Variants in PDZRN3 observed in about 807,000 individuals in gnomAD.
PDZRN3 encodes the protein PDZ domain containing ring finger 3, also known as E3 ubiquitin-protein ligase PDZRN3.
In PDZRN3, 38 loss-of-function variants were observed where a neutral mutation model predicts 85.7. The observed-to-expected ratio is 0.44, with a 90% confidence interval of 0.34 to 0.58. The LOEUF (loss-of-function observed/expected upper bound fraction) is 0.58, where lower values mean the gene tolerates loss of function less well. PDZRN3 is among the 20% of genes least tolerant of loss of function. The pLI, the probability that PDZRN3 is intolerant of heterozygous loss-of-function variation, is 0.01. For missense variants in PDZRN3, 1,629 were observed against 1,506.4 expected (o/e 1.08, Z -1.35); for synonymous variants, 759 against 638.0 (o/e 1.19, Z -2.86).
At chr3:73,479,044 A>C (rs924613570) in intron 3 of PDZRN3, among the ~76,000 whole-genome samples, 1 of 152,238 alleles carries the variant, frequency 6.6e-6, no homozygotes, top group Admixed American at 6.5e-5. Flanking sequence ...TCTGTTCACT[A>C]TCAAGACTGA....
intron 3 of PDZRN3, among the ~76,000 whole-genome samples, chr3:73,562,800 A>G (rs924407764): frequency 2.6e-5 from 4 of 151,768 alleles, no homozygotes; most frequent in African/African-American, 9.7e-5. Context: ...GGGCAAGAGA[A>G]TTCTTTACCA....
At position 73,624,098 on chromosome 3, in the gene PDZRN3, C is replaced by T; in HGVS notation, c.723+5G>A. ...TGGAGGTCGGGGCGGGCAGCAGGCGCCTACCTTGCCGCCGGGCGGCGCGGC... is the reference window on the plus strand; with the variant it reads ...TGGAGGTCGGGGCGGGCAGCAGGCGTCTACCTTGCCGCCGGGCGGCGCGGC... On this transcript the variant is annotated splice_donor_5th_base_variant and intron_variant, in intron 1 of 9. Transcript: ENST00000263666. 6.9e-7 allele frequency: 1 copy of T among 1,446,718 alleles called. No individual in the cohort carries two copies. Among genetic ancestry groups the T allele is most frequent in the Non-Finnish European group, 9.0e-7 (1 of 1,108,352 alleles). The allele number at this position is 1,446,718 out of a possible 1,614,324, so 89.6% of individuals were successfully genotyped here.
chr3:73,563,674 T>G (rs1701884850), intron 3 of PDZRN3, among the ~76,000 whole-genome samples: 1 of 152,238 alleles, frequency 6.6e-6, no homozygotes, highest in Non-Finnish European at 1.5e-5. Context: ...TAAGTAGTCA[T>G]GACTGACGCT....
At chr3:73,536,895 G>A (rs1408690748) in intron 3 of PDZRN3, among the ~76,000 whole-genome samples, 2 of 152,150 alleles carry the variant, frequency 1.3e-5, no homozygotes, top group Non-Finnish European at 2.9e-5. Flanking sequence ...AATTTCTCCT[G>A]TATTGCAAGA....
intron 3 of PDZRN3, among the ~76,000 whole-genome samples, chr3:73,584,169 T>C (rs1437358286): frequency 3.3e-5 from 5 of 151,990 alleles, no homozygotes; most frequent in Admixed American, 2.0e-4. Flanking sequence ...AGGCCATTTA[T>C]AACTTGCGAC....
intron 3 of PDZRN3, among the ~76,000 whole-genome samples, chr3:73,602,104 G>C (rs1702523943): frequency 1.3e-5 from 2 of 152,138 alleles, no homozygotes; most frequent in South Asian, 2.1e-4. Flanking sequence ...ATACGAAACA[G>C]ATTGAGGTCC....
intron 8 of PDZRN3, among the ~76,000 whole-genome samples, chr3:73,386,172 GA>G (rs918408185): frequency 3.5e-5 from 5 of 144,326 alleles, no homozygotes; most frequent in African/African-American, 1.0e-4. Context: ...TTTTCAGTGT[GA>G]AAAGAGTTCT....
intron 3 of PDZRN3, among the ~76,000 whole-genome samples, chr3:73,432,386 T>G (rs1180337066): frequency 6.6e-6 from 1 of 152,208 alleles, no homozygotes; most frequent in Admixed American, 6.5e-5. Flanking sequence ...AGGTCGGAAA[T>G]GTATTTATTC....
At chr3:73,397,334 G>A (rs1030547269) in intron 5 of PDZRN3, among the ~76,000 whole-genome samples, 21 of 152,194 alleles carry the variant, frequency 1.4e-4, no homozygotes, top group African/African-American at 4.6e-4. Flanking sequence ...CAATTTAGAT[G>A]ATAAGTGGTC....
chr3:73,432,220 C>T (rs181732642), intron 3 of PDZRN3, among the ~76,000 whole-genome samples: 12 of 152,268 alleles, frequency 7.9e-5, no homozygotes, highest in African/African-American at 1.2e-4. Flanking sequence ...AGTGGGATAA[C>T]TTGGCAAACT....
intron 3 of PDZRN3, among the ~76,000 whole-genome samples, chr3:73,445,181 C>T (rs567257793): frequency 6.6e-6 from 1 of 152,156 alleles, no homozygotes; most frequent in Non-Finnish European, 1.5e-5. Context: ...CAAACCACAG[C>T]CAGAAGTGGA....
rs200525824 is a variant in PDZRN3, at chr3:73,624,793, G to C, written c.33C>G (p.Asp11Glu). 18 of 1,400,540 alleles carry C rather than the reference G, an allele frequency of 1.3e-5. No individual in the cohort carries two copies. The highest frequency in any genetic ancestry group is 1.6e-5 in the Non-Finnish European group (17 of 1,080,180). The allele number at this position is 1,400,540 out of a possible 1,614,324, so 86.8% of individuals were successfully genotyped here. A position where few individuals can be genotyped will look rare whatever the true frequency, so the allele number is the denominator to read the frequency against. ...GCGCGCACTTCAGGTCCGGGTCCACGTCGCCGTCGAAGCGGTCCAGCTCGA... is the reference window on the plus strand; with the variant it reads ...GCGCGCACTTCAGGTCCGGGTCCACCTCGCCGTCGAAGCGGTCCAGCTCGA... MGFELDRFDG[D>E]VDPDLKCALC... Residue 11 changes from aspartate (D) to glutamate (E), a missense_variant, in exon 1 of 10, where the codon GAC becomes GAG. Coordinates refer to ENST00000263666, the MANE Select transcript of PDZRN3 (RefSeq NM_015009.3).
At chr3:73,528,796 G>A (rs1559723671) in intron 3 of PDZRN3, among the ~76,000 whole-genome samples, 1 of 152,034 alleles carries the variant, frequency 6.6e-6, no homozygotes, top group Non-Finnish European at 1.5e-5. Flanking sequence ...TGGCATTGAG[G>A]TCTGTGCATC....
intron 3 of PDZRN3, among the ~76,000 whole-genome samples, chr3:73,542,449 G>A (rs1266203074): frequency 6.6e-6 from 1 of 152,142 alleles, no homozygotes; most frequent in African/African-American, 2.4e-5. Context: ...AGTCTTCCAC[G>A]TGGACCATGA....
Position 73,602,404 on chromosome 3 carries a change from C to T in PDZRN3, c.868G>A (p.Gly290Arg), listed in dbSNP as rs375770440. The change falls in exon 3 of 10, where the codon GGG becomes AGG. Residue 290 changes from glycine (G) to arginine (R), a missense_variant. Physicochemically the swap from Gly to Arg is moderately radical, Grantham distance 125. Transcript: ENST00000263666. Reference protein sequence around the residue: ...GIFVSKIVDSGPAAKEGGLQI... With the variant: ...GIFVSKIVDSRPAAKEGGLQI... Reference sequence around the variant, plus strand: ...AGGCCTCCTTCCTTGGCTGCAGGCCCACTGTCAACTATCTTGGATACAAAG... The same window carrying T: ...AGGCCTCCTTCCTTGGCTGCAGGCCTACTGTCAACTATCTTGGATACAAAG... 2.5e-6 allele frequency: 4 copies of T among 1,611,554 alleles called. No individual in the cohort carries two copies. The highest frequency in any genetic ancestry group is 2.7e-5 in the African/African-American group (2 of 74,834).
At chr3:73,524,736 A>G (rs981801359) in intron 3 of PDZRN3, among the ~76,000 whole-genome samples, 30 of 152,186 alleles carry the variant, frequency 2.0e-4, no homozygotes, top group African/African-American at 6.8e-4. Context: ...TCGATTTATA[A>G]AGGAGTAGCA....
rs763576678 is a variant in PDZRN3, at chr3:73,624,236, G to A, written c.590C>T (p.Ser197Leu). 2.0e-6 allele frequency: 3 copies of A among 1,473,938 alleles called. No individual in the cohort carries two copies. The highest frequency in any genetic ancestry group is 2.8e-5 in the East Asian group (1 of 35,264). 91.3% of individuals were successfully genotyped at this position (1,473,938 alleles called of 1,614,324 possible). A position where few individuals can be genotyped will look rare whatever the true frequency, so the allele number is the denominator to read the frequency against. The part of the protein sequence containing the change: ...EALRAGKREK[S>L]LVAQLAAAQL... ...CGCCGCGGCCAGCTGGGCCACCAGCGACTTCTCGCGCTTCCCAGCGCGCAG... is the reference window on the plus strand; with the variant it reads ...CGCCGCGGCCAGCTGGGCCACCAGCAACTTCTCGCGCTTCCCAGCGCGCAG... The change falls in exon 1 of 10, where the codon TCG becomes TTG. Residue 197 changes from serine to leucine, a missense_variant. Coordinates refer to ENST00000263666, the MANE Select transcript of PDZRN3 (RefSeq NM_015009.3).
intron 3 of PDZRN3, among the ~76,000 whole-genome samples, chr3:73,527,609 G>C (rs1163292165): frequency 6.6e-6 from 1 of 151,900 alleles, no homozygotes; most frequent in Non-Finnish European, 1.5e-5. Flanking sequence ...CATACATTCT[G>C]AGCTGTTCTC....
At chr3:73,502,742 C>T (rs1704004552) in intron 3 of PDZRN3, among the ~76,000 whole-genome samples, 1 of 152,188 alleles carries the variant, frequency 6.6e-6, no homozygotes, top group African/African-American at 2.4e-5. Flanking sequence ...GAAAGCAAAT[C>T]CCCCAGAGGC....
Sources: allele counts gnomAD v4.1 joint callset (sites outside exome capture counted in the v4.1 genomes callset), GRCh38; gene constraint gnomAD v4.1.1; transcripts MANE v1.5; gene names NCBI Gene and HGNC (gene_info 2026-07-23, HGNC 2026-07-21).